The following SLC17A1 variants were observed in gnomAD, a reference collection of about 807,000 sequenced individuals.
The protein encoded by SLC17A1 is sodium-dependent phosphate transport protein 1.
In SLC17A1, 51 loss-of-function variants were observed where a neutral mutation model predicts 53.5. The ratio of observed to expected loss-of-function variants is 0.95; its 90% CI spans 0.76 to 1.20. SLC17A1 has a LOEUF of 1.20. SLC17A1 is among the 50% of genes most tolerant of loss of function. The pLI is 0.00. For missense variants in SLC17A1, 538 were observed against 568.2 expected, an observed-to-expected ratio of 0.95 and a Z score of 0.54; for synonymous variants, 179 against 198.8, an observed-to-expected ratio of 0.90 and a Z score of 0.84.
At chr6:25,726,879 C>T in the SLC17A1 span, 13 of 1,582,474 alleles carry the variant, frequency 8.2e-6, no homozygotes, top group East Asian at 2.2e-5. Flanking sequence ...GGAAAAGAAC[C>T]GTGTAACGCT....
intron 6 of SLC17A1, among the ~76,000 whole-genome samples, chr6:25,814,581 C>T (rs539455969): frequency 2.6e-5 from 4 of 152,172 alleles, no homozygotes; most frequent in African/African-American, 9.6e-5. Context: ...ATAAAGAATG[C>T]CTTTGATGCA....
At chr6:25,779,043 T>G, downstream of SLC17A1, 1 of 1,613,576 alleles carries the variant, frequency 6.2e-7, no homozygotes. Flanking sequence ...CTTGTAATTT[T>G]CTGCCTCCAG....
At chr6:25,776,837 C>T in the SLC17A1 span, 2,037 of 1,614,022 alleles carry the variant, frequency 1.3e-3, 3 homozygotes, top group Non-Finnish European at 1.3e-3. Context: ...CCGTGATCCT[C>T]GTGTCCCTGC....
intron 12 of SLC17A1, among the ~76,000 whole-genome samples, chr6:25,794,319 A>G (rs574078986): frequency 1.1e-4 from 17 of 152,316 alleles, no homozygotes; most frequent in Non-Finnish European, 2.4e-4. Context: ...ACTTTTATTC[A>G]GACTAAAGCA....
rs748590582 is a variant in SLC17A1 at position 25,800,890 on chromosome 6, CT to C, written c.1268del (p.Gln423ArgfsTer13). ...ASTLTGLILK[Q>X]DPESAWFKTF... ...AACTACACATCTGTATGTTTCTTAC[CT>C]GCTTAAGGATCAATCCAGTCAAAGT... is the stretch of plus-strand genomic sequence containing the variant. On this transcript the variant is annotated frameshift_variant and splice_region_variant, in exon 11 of 13. Transcript: ENST00000244527. LOFTEE classifies it high-confidence loss of function. 1.9e-6 allele frequency: 3 copies of C among 1,572,310 alleles called. No homozygotes were observed. The highest frequency in any genetic ancestry group is 2.6e-6 in the Non-Finnish European group (3 of 1,142,856).
chr6:25,733,006 T>C, the SLC17A1 span, among the ~76,000 whole-genome samples: 9 of 152,320 alleles, frequency 5.9e-5, no homozygotes, highest in African/African-American at 9.6e-5. Context: ...TCAATAAGAC[T>C]ACAGCTTTCG....
the SLC17A1 span, chr6:25,776,562 G>A: frequency 2.0e-5 from 32 of 1,567,238 alleles, no homozygotes; most frequent in Non-Finnish European, 2.8e-5. Flanking sequence ...GGTGGTAAGG[G>A]CACATGCACC....
intron 3 of SLC17A1, among the ~76,000 whole-genome samples, chr6:25,820,977 GC>G (rs1384950063): frequency 2.0e-4 from 31 of 151,892 alleles, no homozygotes; most frequent in Non-Finnish European, 3.2e-4. Context: ...GGACGAGGTT[GC>G]ACAAGTTTTT....
At chr6:25,733,021 C>T in the SLC17A1 span, among the ~76,000 whole-genome samples, 1 of 152,158 alleles carries the variant, frequency 6.6e-6, no homozygotes, top group Non-Finnish European at 1.5e-5. Context: ...CTTTCGTAAA[C>T]AGGACTCAGA....
intron 10 of SLC17A1, among the ~76,000 whole-genome samples, chr6:25,807,305 C>T (rs1253474443): frequency 2.0e-5 from 3 of 151,960 alleles, no homozygotes; most frequent in South Asian, 2.1e-4. Flanking sequence ...TCAACTGATG[C>T]GTGTATAAAG....
chr6:25,822,480 T>C (rs1351976704), intron 3 of SLC17A1, among the ~76,000 whole-genome samples: 1 of 152,222 alleles, frequency 6.6e-6, no homozygotes, highest in Non-Finnish European at 1.5e-5. Context: ...GTTTTTCTAT[T>C]TAGAATAATT....
the SLC17A1 span, chr6:25,761,937 C>T: frequency 3.2e-6 from 5 of 1,579,762 alleles, no homozygotes; most frequent in Non-Finnish European, 4.3e-6. Context: ...TAAGTAAATG[C>T]CAGTCCCTAG....
the SLC17A1 span, among the ~76,000 whole-genome samples, chr6:25,734,501 T>TA: frequency 2.0e-5 from 3 of 152,152 alleles, no homozygotes; most frequent in Non-Finnish European, 4.4e-5. Context: ...TTCAAATTAT[T>TA]AAAAAAATCC....
intron 12 of SLC17A1, among the ~76,000 whole-genome samples, chr6:25,786,731 T>C: frequency 6.6e-6 from 1 of 152,074 alleles, no homozygotes; most frequent in Non-Finnish European, 1.5e-5. Context: ...AGCCAGAAAT[T>C]TCCATGCCTG....
chr6:25,827,486 A>G (rs1414359770), intron 2 of SLC17A1, among the ~76,000 whole-genome samples: 1 of 152,196 alleles, frequency 6.6e-6, no homozygotes, highest in Non-Finnish European at 1.5e-5. Context: ...GACAGTATAT[A>G]CTATAGGAAT....
chr6:25,824,376 G>T (rs1198526593), intron 3 of SLC17A1, among the ~76,000 whole-genome samples: 1 of 151,554 alleles, frequency 6.6e-6, no homozygotes, highest in Non-Finnish European at 1.5e-5. Context: ...AATAAACTAT[G>T]ATGCCCTTCA....
At chr6:25,811,216 A>G (rs555771644) in intron 10 of SLC17A1, among the ~76,000 whole-genome samples, 182 bp downstream of exon 10, 3 of 152,128 alleles carry the variant, frequency 2.0e-5, no homozygotes, top group Non-Finnish European at 4.4e-5. Flanking sequence ...AATTCCTAAG[A>G]GTAAATTTTG....
intron 10 of SLC17A1, among the ~76,000 whole-genome samples, chr6:25,809,169 T>C (rs1338027950): frequency 1.3e-5 from 2 of 152,058 alleles, no homozygotes; most frequent in Non-Finnish European, 2.9e-5. Flanking sequence ...ATACTGCAAG[T>C]TCTCAGTTAT....
chr6:25,826,078 C>A (rs1764729965), intron 3 of SLC17A1, among the ~76,000 whole-genome samples: 1 of 152,066 alleles, frequency 6.6e-6, no homozygotes, highest in Non-Finnish European at 1.5e-5. Flanking sequence ...AACTGATTAT[C>A]TTCCAGAGAT....
Sources: gnomAD v4.1 joint callset for allele counts (sites outside exome capture counted in the v4.1 genomes callset) on GRCh38, gnomAD v4.1.1 for gene constraint, MANE v1.5 for transcripts, NCBI Gene and HGNC (gene_info 2026-07-23, HGNC 2026-07-21) for gene names.